UNC79: variants seen among roughly 807,000 people sequenced by gnomAD.
UNC79 encodes protein unc-79 homolog.
A neutral mutation model predicts 283.1 loss-of-function variants in UNC79; 37 were observed. That is an observed-to-expected ratio of 0.13 (90% CI 0.10 to 0.17). The LOEUF is 0.17. Ranked by LOEUF, UNC79 falls within the 10% of genes least tolerant of loss-of-function variation. UNC79 has a pLI of 1.00. For synonymous variants in UNC79, 1,107 were observed against 1,200.2 expected (o/e 0.92, Z 1.61); for missense variants, 2,272 against 3,211.1 (o/e 0.71, Z 7.07).
At chr14:93,664,419 TA>T (rs1668807342) in intron 40 of UNC79, among the ~76,000 whole-genome samples, 1 of 152,156 alleles carries the variant, frequency 6.6e-6, no homozygotes, top group African/African-American at 2.4e-5. Flanking sequence ...AGCATATAAG[TA>T]GCCCTGTGGT....
At chr14:93,661,535 C>T (rs1027785133) in intron 39 of UNC79, among the ~76,000 whole-genome samples, 1 of 152,190 alleles carries the variant, frequency 6.6e-6, no homozygotes, top group Admixed American at 6.5e-5. Flanking sequence ...ATCTTCTCTG[C>T]AGAGCAATTC....
intron 47 of UNC79, among the ~76,000 whole-genome samples, chr14:93,700,068 C>T (rs375318613): frequency 0.04 from 4,165 of 104,266 alleles, 166 homozygotes; most frequent in African/African-American, 0.13. Context: ...TGGATGGTTT[C>T]GGAGGTTTTT....
At chr14:93,503,759 A>T (rs1303908508) in intron 7 of UNC79, among the ~76,000 whole-genome samples, 4 of 151,124 alleles carry the variant, frequency 2.6e-5, no homozygotes, top group South Asian at 2.1e-4. Context: ...TATTTTCTGA[A>T]TAATGTCTTA....
chr14:93,579,199 G>A (rs1233613083), intron 18 of UNC79, among the ~76,000 whole-genome samples: 1 of 152,136 alleles, frequency 6.6e-6, no homozygotes, highest in Non-Finnish European at 1.5e-5. Flanking sequence ...ATATAATAAT[G>A]TCCCATTACT....
chr14:93,634,608 C>G, intron 31 of UNC79: 1 of 1,614,024 alleles, frequency 6.2e-7, no homozygotes, highest in South Asian at 1.1e-5. Flanking sequence ...CAGTCTAGCG[C>G]CCCCCATAAC....
chr14:93,602,819 T>C (rs2065610797), intron 25 of UNC79, among the ~76,000 whole-genome samples: 1 of 152,126 alleles, frequency 6.6e-6, no homozygotes, highest in African/African-American at 2.4e-5. Flanking sequence ...TTTTCCTTTT[T>C]TGTAGAGATG....
chr14:93,538,650 A>C (rs2061205631), intron 12 of UNC79, among the ~76,000 whole-genome samples: 1 of 151,962 alleles, frequency 6.6e-6, no homozygotes, highest in Non-Finnish European at 1.5e-5. Flanking sequence ...GGAGGCGGGG[A>C]AGGCAACAAG....
chr14:93,508,227 C>A, intron 7 of UNC79, among the ~76,000 whole-genome samples: 1 of 149,600 alleles, frequency 6.7e-6, no homozygotes, highest in Admixed American at 6.7e-5. Flanking sequence ...ACCCACTAAA[C>A]CCGAAAAAAG....
chr14:93,446,010 T>A (rs1182530785), intron 1 of UNC79, among the ~76,000 whole-genome samples: 2 of 152,176 alleles, frequency 1.3e-5, no homozygotes, highest in Non-Finnish European at 2.9e-5. Flanking sequence ...AATTTATGTC[T>A]CTTTTTTTCC....
chr14:93,656,963 A>T (rs989880827), intron 38 of UNC79, among the ~76,000 whole-genome samples: 5 of 152,230 alleles, frequency 3.3e-5, no homozygotes, highest in Admixed American at 1.3e-4. Flanking sequence ...CTTGATAAAG[A>T]TCAACAACCT....
chr14:93,641,101 A>T, intron 32 of UNC79, 44 bp from the exon 36 acceptor site: 3 of 1,554,282 alleles, frequency 1.9e-6, no homozygotes, highest in Non-Finnish European at 2.6e-6. Context: ...TGGCCCCTTG[A>T]AGCTCATCTA....
rs1373768499 is a variant in UNC79, at chr14:93,505,845, A to G, written c.898+8559A>G. Reference sequence around the variant, plus strand: ...TTTCAATCATTACCCTAGAGATTATATCATGCATTCTTGACTTATCAGTGT... The same window carrying G: ...TTTCAATCATTACCCTAGAGATTATGTCATGCATTCTTGACTTATCAGTGT... On this transcript the variant is annotated intron_variant, in intron 7 of 48. Coordinates refer to ENST00000555664, the Ensembl canonical transcript of UNC79. Among the ~76,000 whole-genome samples, 4 of 151,838 alleles carry G rather than the reference A, an allele frequency of 2.6e-5. No homozygotes were observed. The South Asian group carries it at 6.2e-4, about 24-fold the overall frequency.
intron 5 of UNC79, among the ~76,000 whole-genome samples, chr14:93,494,565 T>C (rs917046885): frequency 7.2e-5 from 11 of 152,186 alleles, no homozygotes; most frequent in African/African-American, 2.4e-4. Flanking sequence ...GGACTAGAGA[T>C]AATGAACTTT....
At chr14:93,476,169 A>G (rs573724701) in intron 3 of UNC79, among the ~76,000 whole-genome samples, 2 of 151,796 alleles carry the variant, frequency 1.3e-5, no homozygotes, top group Non-Finnish European at 1.5e-5. Context: ...TTTTGCATAG[A>G]CTTTGAGAGC....
chr14:93,454,477 G>A (rs1474375984), intron 1 of UNC79, among the ~76,000 whole-genome samples: 1 of 152,166 alleles, frequency 6.6e-6, no homozygotes, highest in Non-Finnish European at 1.5e-5. Flanking sequence ...TGCAGTGGGG[G>A]TCACAGCTAG....
At chr14:93,492,700 A>G (rs1273775118) in intron 5 of UNC79, among the ~76,000 whole-genome samples, 1 of 152,102 alleles carries the variant, frequency 6.6e-6, no homozygotes, top group East Asian at 1.9e-4. Flanking sequence ...CTGGGAGGGG[A>G]AGCTGTTTTA....
At chr14:93,394,080 C>T (rs2140013018) in intron 1 of UNC79, among the ~76,000 whole-genome samples, 1 of 152,184 alleles carries the variant, frequency 6.6e-6, no homozygotes, top group East Asian at 1.9e-4. Flanking sequence ...TTTCAAACTC[C>T]CAGTTTCTGC....
At chr14:93,672,754 C>T (rs1429932330) in intron 40 of UNC79, among the ~76,000 whole-genome samples, 4 of 152,060 alleles carry the variant, frequency 2.6e-5, no homozygotes, top group Non-Finnish European at 2.9e-5. Flanking sequence ...TCTGTGCATG[C>T]AACAGAATAT....
In UNC79 at chr14:93,422,685, G is replaced by A. The variant is rs575274414; in HGVS notation, c.-350-44986G>A. ...TTATATTAAAAACATGAATGGATAA[G>A]TAAATTCAGTAAAGTTGCTGGATAT... On this transcript the variant is annotated intron_variant, in intron 1 of 49. Coordinates refer to the UNC79 transcript ENST00000256339. Among the ~76,000 whole-genome samples, 6 of 152,216 alleles carry A rather than the reference G, an allele frequency of 3.9e-5. No individual in the cohort carries two copies. In the South Asian group the frequency reaches 1.2e-3, roughly 32 times the overall value.
Sources: gnomAD v4.1 joint callset for allele counts (sites outside exome capture counted in the v4.1 genomes callset) on GRCh38, gnomAD v4.1.1 for gene constraint, MANE v1.5 for transcripts, NCBI Gene and HGNC (gene_info 2026-07-23, HGNC 2026-07-21) for gene names.